LPIN1: variants seen among roughly 807,000 people sequenced by gnomAD.
LPIN1 encodes lipin 1, also known as phosphatidate phosphatase LPIN1.
LPIN1 carries 71 observed loss-of-function variants against 107.5 expected under a neutral mutation model. The ratio of observed to expected loss-of-function variants is 0.66; its 90% CI spans 0.55 to 0.80. The LOEUF is 0.80. LPIN1 is among the 30% of genes least tolerant of loss of function. The pLI is 0.00. For missense variants in LPIN1, 1,043 were observed against 1,160.6 expected (o/e 0.90, Z 1.47); for synonymous variants, 445 against 452.6 (o/e 0.98, Z 0.21).
At chr2:11,767,424 G>C (rs895294389) in intron 2 of LPIN1, 1 of 317,998 alleles carries the variant, frequency 3.1e-6, no homozygotes, top group Non-Finnish European at 6.1e-6. Flanking sequence ...AGGTGGTCTC[G>C]GAGGAATCTT....
At chr2:11,681,039 A>C (rs1181489543) in intron 1 of LPIN1, among the ~76,000 whole-genome samples, 1 of 152,228 alleles carries the variant, frequency 6.6e-6, no homozygotes, top group African/African-American at 2.4e-5. Flanking sequence ...ACCTGAAAGC[A>C]GATGGCCTGT....
Position 11,707,496 on chromosome 2 carries a change from G to A in LPIN1, c.82-6260G>A, listed in dbSNP as rs1225563644. 6.6e-6 allele frequency among the ~76,000 whole-genome samples: 1 copy of A among 152,232 alleles called. No homozygotes were observed. Among genetic ancestry groups the A allele is most frequent in the African/African-American group, 2.4e-5 (1 of 41,452 alleles). On this transcript the variant is annotated intron_variant, in intron 1 of 21. Coordinates refer to the LPIN1 transcript ENST00000449576. This position sits in a 1 kb window ranked among gnomAD's most constrained non-coding sequence, Gnocchi z 4.2. Reference sequence around the variant, plus strand: ...GACCGGGGAGCACGGGAAGTTTTGAGCTGAGGAGTGGTGTGATCTAACATT... The same window carrying A: ...GACCGGGGAGCACGGGAAGTTTTGAACTGAGGAGTGGTGTGATCTAACATT...
chr2:11,815,640 G>A (rs991928200), intron 18 of LPIN1, among the ~76,000 whole-genome samples: 6 of 152,008 alleles, frequency 3.9e-5, no homozygotes, highest in South Asian at 2.1e-4. Flanking sequence ...CTTAATGTCC[G>A]TTGGACAATG....
In LPIN1 at chr2:11,725,239, G is replaced by C. The variant is rs530578289; in HGVS notation, c.-72+700G>C. ...TTGTGCCACTGCACTCCAGCCTGGGGGACAGAGCGAGACTCCGTCTCAAAA... is the reference window on the plus strand; with the variant it reads ...TTGTGCCACTGCACTCCAGCCTGGGCGACAGAGCGAGACTCCGTCTCAAAA... On this transcript the variant is annotated intron_variant, in intron 1 of 21. Transcript: ENST00000396097. 4.1e-3 allele frequency among the ~76,000 whole-genome samples: 631 copies of C among 152,054 alleles called. 5 individuals carry two copies. Among genetic ancestry groups the C allele is most frequent in the Non-Finnish European group, 6.5e-3 (440 of 67,984 alleles).
chr2:11,815,030 A>G (rs1220328432), intron 17 of LPIN1, 58 bp from the exon 18 acceptor site: 1 of 1,495,662 alleles, frequency 6.7e-7, no homozygotes, highest in African/African-American at 1.4e-5. Flanking sequence ...AGGATTTATG[A>G]ATGCAGAAAG....
chr2:11,794,819 G>A lies in LPIN1; in HGVS notation c.1807-589G>A, dbSNP rs529536404. On this transcript the variant is annotated intron_variant, in intron 13 of 20. Transcript: ENST00000674199. The stretch of plus-strand genomic sequence containing the variant: ...CGTTAGGAGATGGAGAATTTCACCC[G>A]TTTCACAGATGAGGAAGCGAAGTTC... Among the ~76,000 whole-genome samples the A allele has an allele frequency of 2.2e-4, 33 of 152,244 alleles. No homozygotes were observed. The South Asian group carries it at 4.1e-3, about 19-fold the overall frequency.
At chr2:11,686,376 A>G (rs1232842266) in intron 1 of LPIN1, among the ~76,000 whole-genome samples, 1 of 152,238 alleles carries the variant, frequency 6.6e-6, no homozygotes, top group African/African-American at 2.4e-5. Context: ...GGTGGGCCCA[A>G]GAGCAATCAA....
intron 1 of LPIN1, among the ~76,000 whole-genome samples, chr2:11,739,828 AGGGTG>A (rs1666156031): frequency 6.6e-6 from 1 of 152,256 alleles, no homozygotes; most frequent in Non-Finnish European, 1.5e-5. Context: ...GAATTAGATG[AGGGTG>A]TTAAAACGGC....
At chr2:11,796,825 A>G (rs1676806878) in intron 14 of LPIN1, among the ~76,000 whole-genome samples, 1 of 152,200 alleles carries the variant, frequency 6.6e-6, no homozygotes, top group African/African-American at 2.4e-5. Flanking sequence ...AGACATTTCA[A>G]AATAAGTGGT....
intron 14 of LPIN1, among the ~76,000 whole-genome samples, chr2:11,797,193 A>G (rs1676872113): frequency 6.6e-6 from 1 of 152,270 alleles, no homozygotes; most frequent in Non-Finnish European, 1.5e-5. Flanking sequence ...GAGGTAGCAC[A>G]GAGCAGGATG....
At chr2:11,714,465 G>T (rs1271497312) in intron 2 of LPIN1, among the ~76,000 whole-genome samples, 1 of 152,140 alleles carries the variant, frequency 6.6e-6, no homozygotes, top group African/African-American at 2.4e-5. Flanking sequence ...CTGTTGTTTG[G>T]GTGGGGGGAT....
Position 11,815,976 on chromosome 2 carries a change from T to C in LPIN1, c.2402+736T>C, listed in dbSNP as rs1316040066. 2.6e-5 allele frequency among the ~76,000 whole-genome samples: 4 copies of C among 152,182 alleles called. No homozygotes were observed. In the East Asian group the frequency reaches 7.7e-4, roughly 29 times the overall value. On this transcript the variant is annotated intron_variant, in intron 18 of 20. Transcript: ENST00000674199. ...AAGCAAAAGCTATTGTGGTCAACCA[T>C]AGGACATTGGTCCCTGCTGAAGGCT...
At chr2:11,712,208 C>G (rs1458081592) in intron 1 of LPIN1, among the ~76,000 whole-genome samples, 2 of 152,236 alleles carry the variant, frequency 1.3e-5, no homozygotes, top group Non-Finnish European at 2.9e-5. Flanking sequence ...CGTGCTGTTC[C>G]CAACATATGT....
In LPIN1 at chr2:11,771,439, A is replaced by G. The variant is rs1211908375; in HGVS notation, c.356A>G (p.Gln119Arg). The change falls in exon 4 of 21, where the codon CAG (glutamine) becomes CGG (arginine). Residue 119 changes from glutamine (Q) to arginine (R), a missense_variant. Gln to Arg is a conservative substitution (Grantham distance 43, BLOSUM62 1). Transcript: ENST00000674199. This position sits in a 1 kb window ranked among gnomAD's most constrained non-coding sequence, Gnocchi z 4.8. ...GAAGGAGCTTCGAGAATGGAATGCC[A>G]GCTGAAAAGGGGCTCTGTGGACAGG... is the stretch of plus-strand genomic sequence containing the variant. ...LSEGASRMECQLKRGSVDRMR... is the reference protein window; with the variant it reads ...LSEGASRMECRLKRGSVDRMR... 1.2e-6 allele frequency: 2 copies of G among 1,614,260 alleles called. No homozygotes were observed. The highest frequency in any genetic ancestry group is 1.6e-4 in the Middle Eastern group (1 of 6,062).
rs77120350 is a variant in LPIN1, at chr2:11,705,674, A to G, written c.82-8082A>G. Among the ~76,000 whole-genome samples the G allele has an allele frequency of 2.8e-3, 426 of 152,288 alleles. 1 individual carries two copies. The highest frequency in any genetic ancestry group is 9.7e-3 in the African/African-American group (401 of 41,554). On this transcript the variant is annotated intron_variant, in intron 1 of 21. Transcript: ENST00000449576. The stretch of plus-strand genomic sequence containing the variant: ...GCTGAATAGGAGGGGTTGAAATGCT[A>G]GTGTGACTGGGCCAGAGAGATCAAA...
intron 8 of LPIN1, 96 bp downstream of exon 8, chr2:11,782,603 G>A (rs1344232512): frequency 1.5e-6 from 2 of 1,369,860 alleles, no homozygotes; most frequent in Admixed American, 3.7e-5. Flanking sequence ...GGAAACTGAG[G>A]TAGAAACTGA....
chr2:11,741,266 G>C (rs775623146), intron 1 of LPIN1: 7 of 969,194 alleles, frequency 7.2e-6, no homozygotes, highest in Non-Finnish European at 1.1e-5. Context: ...TCTGTAGAAT[G>C]TGAGGATGGC....
intron 2 of LPIN1, chr2:11,767,338 C>T: frequency 1.4e-5 from 3 of 210,854 alleles, no homozygotes; most frequent in South Asian, 7.8e-5. Context: ...TGAACTCTCA[C>T]CAGCCATGTG....
Position 11,804,476 on chromosome 2 carries a change from G to C in LPIN1, c.2067G>C (p.Thr689=), listed in dbSNP as rs369684215. 2.5e-6 allele frequency: 4 copies of C among 1,614,080 alleles called. No individual in the cohort carries two copies. In the East Asian group the frequency reaches 8.9e-5, roughly 36 times the overall value. ...ACGACGTGGTTTTCAGTGTCACCAC[G>C]CAGTACCAAGGCACGTGCCGCTGTG... ...GPNDVVFSVT[T]QYQGTCRCEG... is the part of the protein sequence containing the mutation. The change falls in exon 16 of 21, where the codon ACG becomes ACC. Residue 689 remains threonine (T), a synonymous_variant. Coordinates refer to ENST00000674199, the MANE Select transcript of LPIN1 (RefSeq NM_001349206.2).
Sources: allele counts gnomAD v4.1 joint callset (sites outside exome capture counted in the v4.1 genomes callset), GRCh38; gene constraint gnomAD v4.1.1; non-coding constraint Gnocchi (gnomAD v3.1); transcripts MANE v1.5; gene names NCBI Gene and HGNC (gene_info 2026-07-23, HGNC 2026-07-21).